LARP4B: variants seen among roughly 807,000 people sequenced by gnomAD.
LARP4B encodes the protein La ribonucleoprotein 4B, also known as la-related protein 4B.
A neutral mutation model predicts 89.8 loss-of-function variants in LARP4B; 12 were observed. That is an observed-to-expected ratio of 0.13 (90% CI 0.09 to 0.22). The LOEUF is 0.22. LARP4B is among the 10% of genes least tolerant of loss of function. The probability of loss-of-function intolerance (pLI) is 1.00; values close to 1 mark genes in which losing one functional copy is unlikely to be tolerated. For missense variants in LARP4B, 757 were observed against 947.7 expected, an observed-to-expected ratio of 0.80 and a Z score of 2.64; for synonymous variants, 367 against 363.3, an observed-to-expected ratio of 1.01 and a Z score of -0.12.
Position 890,773 on chromosome 10 carries a change from C to T in LARP4B, c.-39-5013G>A, listed in dbSNP as rs192154773. Among the ~76,000 whole-genome samples, 325 of 152,080 alleles carry T rather than the reference C, an allele frequency of 2.1e-3. 2 individuals are homozygous for T. The highest frequency in any genetic ancestry group is 3.6e-3 in the Non-Finnish European group (244 of 68,004). ...TCTGAAAAACCTGAGCAAATACTTC[C>T]AGGTGATGTTGAAGTAACACACGAG... is the stretch of plus-strand genomic sequence containing the variant. On this transcript the variant is annotated intron_variant, in intron 1 of 17. Coordinates refer to ENST00000316157, the MANE Select transcript of LARP4B (RefSeq NM_015155.3).
chr10:897,211 A>G (rs1435033215), intron 1 of LARP4B, among the ~76,000 whole-genome samples: 2 of 152,222 alleles, frequency 1.3e-5, no homozygotes, highest in Non-Finnish European at 2.9e-5. Context: ...ACGAGAGTCC[A>G]GAAAGAAACC....
the LARP4B span, among the ~76,000 whole-genome samples, chr10:962,108 C>T: frequency 2.1e-4 from 32 of 152,084 alleles, no homozygotes; most frequent in South Asian, 2.1e-3. Context: ...GCCTGGCCAA[C>T]GTGGCGAAAC....
In LARP4B at chr10:817,758, T is replaced by C. The variant is rs149018311; in HGVS notation, c.1662A>G (p.Leu554=). ...TGGATGGTCCTATTATCAAGCTAGATAGCCTGTTTTCAAACAAGTCCTCTG... is the reference window on the plus strand; with the variant it reads ...TGGATGGTCCTATTATCAAGCTAGACAGCCTGTTTTCAAACAAGTCCTCTG... ...LKTEDLFENR[L]SSLIIGPSKE... Residue 554 remains leucine (L), a synonymous_variant, in exon 15 of 18, where the codon CTA becomes CTG. Coordinates refer to ENST00000316157, the MANE Select transcript of LARP4B (RefSeq NM_015155.3). The C allele has an allele frequency of 1.2e-6, 2 of 1,614,096 alleles. No homozygotes were observed. Among genetic ancestry groups the C allele is most frequent in the Admixed American group, 1.7e-5 (1 of 60,010 alleles).
In LARP4B at chr10:811,101, A is replaced by G. The variant is rs1450137420; in HGVS notation, c.*1825T>C. On this transcript the variant is annotated 3_prime_UTR_variant, in exon 18 of 18. Transcript: ENST00000316157. ...ACATACATTTTAAAAGAGTATGAAA[A>G]CATCTGGAGGCTTTTAATAAGACTT... 6.6e-6 allele frequency: 1 copy of G among 152,628 alleles called. No individual in the cohort carries two copies. Among genetic ancestry groups the G allele is most frequent in the Admixed American group, 6.5e-5 (1 of 15,286 alleles). 9.5% of individuals were successfully genotyped at this position (152,628 alleles called of 1,614,324 possible).
chr10:964,052 G>C, the LARP4B span, among the ~76,000 whole-genome samples: 1 of 152,160 alleles, frequency 6.6e-6, no homozygotes, highest in Non-Finnish European at 1.5e-5. Context: ...GCTGTGAGTT[G>C]AGGGTGATCC....
the LARP4B span, among the ~76,000 whole-genome samples, chr10:949,118 C>A: frequency 1.3e-5 from 2 of 152,034 alleles, no homozygotes; most frequent in Non-Finnish European, 2.9e-5. Context: ...TCCCACCAGC[C>A]CCGAGTGAGT....
intron 1 of LARP4B, among the ~76,000 whole-genome samples, chr10:914,712 T>C (rs1341529018): frequency 6.9e-6 from 1 of 145,980 alleles, no homozygotes. Flanking sequence ...AGAGAATTGC[T>C]TGAACCGAGA....
At chr10:807,842 G>A (rs1831610441), downstream of LARP4B, 1 of 152,370 alleles carries the variant, frequency 6.6e-6, no homozygotes, top group South Asian at 2.1e-4. Context: ...CTGGCCTATG[G>A]TCTCACCTGC....
intron 5 of LARP4B, among the ~76,000 whole-genome samples, chr10:856,758 G>A (rs1834324147): frequency 6.6e-6 from 1 of 152,196 alleles, no homozygotes; most frequent in Non-Finnish European, 1.5e-5. Context: ...GCACGAGTAG[G>A]AGAAAAGTAA....
intron 8 of LARP4B, among the ~76,000 whole-genome samples, chr10:835,300 C>A (rs1351981495): frequency 6.6e-6 from 1 of 152,086 alleles, no homozygotes; most frequent in African/African-American, 2.4e-5. Context: ...GGTTGTTTTC[C>A]TTAAGAAACT....
the LARP4B span, among the ~76,000 whole-genome samples, chr10:966,653 C>T: frequency 5.9e-5 from 9 of 152,326 alleles, no homozygotes; most frequent in East Asian, 5.8e-4. Context: ...GGGTGTCGGG[C>T]GAAGGCAGGC....
At chr10:968,454 G>A in the LARP4B span, among the ~76,000 whole-genome samples, 1 of 152,048 alleles carries the variant, frequency 6.6e-6, no homozygotes, top group African/African-American at 2.4e-5. Flanking sequence ...CTCATTCCAC[G>A]GCCTTCCCTC....
rs759848917 is a variant in LARP4B, at chr10:863,749, C to T, written c.424G>A (p.Glu142Lys). The stretch of plus-strand genomic sequence containing the variant: ...ACCCATAAGATATGTTTACCTGTCT[C>T]GCTATTTTCAGGCAGAGAGTCATAT... ...SEYDSLPENS[E>K]TGGNESQPDS... The change falls in exon 5 of 18, where the codon GAG (glutamate) becomes AAG (lysine). Residue 142 changes from glutamate to lysine, a missense_variant. Coordinates refer to ENST00000316157, the MANE Select transcript of LARP4B (RefSeq NM_015155.3). 51 of 1,604,650 alleles carry T rather than the reference C, an allele frequency of 3.2e-5. No homozygotes were observed. Among genetic ancestry groups the T allele is most frequent in the Non-Finnish European group, 4.2e-5 (49 of 1,176,528 alleles).
intron 14 of LARP4B, chr10:818,263 C>A: frequency 5.8e-6 from 1 of 172,250 alleles, no homozygotes; most frequent in Non-Finnish European, 1.2e-5. Flanking sequence ...TGAGTCTAGA[C>A]ATTAAACTTT....
intron 13 of LARP4B, among the ~76,000 whole-genome samples, chr10:824,244 C>T (rs1189712607): frequency 1.3e-5 from 2 of 152,120 alleles, no homozygotes; most frequent in Non-Finnish European, 1.5e-5. Context: ...TGTAATCCCA[C>T]CACTATGGAA....
At chr10:817,973 T>A (rs1832151897) in intron 14 of LARP4B, 84 bp from the exon 15 acceptor site, 1 of 1,359,338 alleles carries the variant, frequency 7.4e-7, no homozygotes, top group Non-Finnish European at 1.0e-6. Context: ...CTGGAAAATA[T>A]CTGTAGAAAC....
chr10:904,023 A>C (rs1328780860), intron 1 of LARP4B, among the ~76,000 whole-genome samples: 2 of 152,204 alleles, frequency 1.3e-5, no homozygotes, highest in Admixed American at 1.3e-4. Context: ...GAGCAGCACT[A>C]ATCTGAAAAT....
chr10:904,738 T>C (rs936965791), intron 1 of LARP4B, among the ~76,000 whole-genome samples: 14 of 152,248 alleles, frequency 9.2e-5, no homozygotes, highest in African/African-American at 3.1e-4. Flanking sequence ...GCGATGTCAC[T>C]GGGCTGGTTA....
intron 14 of LARP4B, chr10:819,685 T>C (rs967278097): frequency 3.9e-5 from 6 of 152,244 alleles, no homozygotes; most frequent in Admixed American, 3.9e-4. Flanking sequence ...GATGCTTGAC[T>C]TGTTAGTCCA....
Sources: allele counts gnomAD v4.1 joint callset (sites outside exome capture counted in the v4.1 genomes callset), GRCh38; gene constraint gnomAD v4.1.1; transcripts MANE v1.5; gene names NCBI Gene and HGNC (gene_info 2026-07-23, HGNC 2026-07-21).